Variants in DTWD2 observed in about 807,000 individuals in gnomAD.
DTWD2 encodes DTW motif tRNA-uridine aminocarboxypropyltransferase 2.
Under a neutral mutation model 31.8 loss-of-function variants are expected in DTWD2, and 39 were observed. That is an observed-to-expected ratio of 1.22 (90% CI 0.95 to 1.60). DTWD2 has a LOEUF of 1.60. DTWD2 is among the 40% of genes most tolerant of loss of function. The probability of loss-of-function intolerance (pLI) is 0.00; values close to 1 mark genes in which losing one functional copy is unlikely to be tolerated. For synonymous variants in DTWD2, 180 were observed against 142.8 expected (o/e 1.26, Z -1.86); for missense variants, 515 against 381.5 (o/e 1.35, Z -2.92).
chr5:118,890,790 C>T (rs918361696), intron 4 of DTWD2, among the ~76,000 whole-genome samples: 2 of 151,958 alleles, frequency 1.3e-5, no homozygotes, highest in Admixed American at 1.3e-4. Context: ...AGGATGGTCT[C>T]GATCTCTTGA....
chr5:118,979,765 G>A (rs1052470232), intron 1 of DTWD2, among the ~76,000 whole-genome samples: 5 of 152,314 alleles, frequency 3.3e-5, no homozygotes, highest in Admixed American at 2.0e-4. Flanking sequence ...ACCAAACACC[G>A]CATGTTCTCA....
At chr5:118,874,082 G>A (rs1425159526) in intron 4 of DTWD2, among the ~76,000 whole-genome samples, 1 of 152,184 alleles carries the variant, frequency 6.6e-6, no homozygotes, top group African/African-American at 2.4e-5. Flanking sequence ...TAAGAGGTGG[G>A]AGTTGAGCAT....
At position 118,921,532 on chromosome 5, in the gene DTWD2, AAAG is replaced by A. The variant is rs1753704234; in HGVS notation, c.597+7002_597+7004del. 3.3e-5 allele frequency among the ~76,000 whole-genome samples: 5 copies of A among 151,932 alleles called. No individual in the cohort carries two copies. The South Asian group carries it at 1.0e-3, about 32-fold the overall frequency. ...AAGACCCCATCTCTTAAAAAAAAAAAAAGAAAGAAAGAAAAAGAAAAAAAAAGT... is the reference window on the plus strand; with the variant it reads ...AAGACCCCATCTCTTAAAAAAAAAAAAAAGAAAGAAAAAGAAAAAAAAAGT... On this transcript the variant is annotated intron_variant, in intron 4 of 5. Transcript: ENST00000510708.
At chr5:118,920,059 T>A (rs1753667195) in intron 4 of DTWD2, among the ~76,000 whole-genome samples, 1 of 151,114 alleles carries the variant, frequency 6.6e-6, no homozygotes, top group Non-Finnish European at 1.5e-5. Flanking sequence ...CCCAAAACCA[T>A]CCACCACCCC....
At chr5:118,870,522 T>C (rs1167747513) in intron 4 of DTWD2, among the ~76,000 whole-genome samples, 1 of 152,208 alleles carries the variant, frequency 6.6e-6, no homozygotes, top group Non-Finnish European at 1.5e-5. Flanking sequence ...CATATAAAAG[T>C]TTTGCAGTCT....
At chr5:118,909,056 C>T (rs572291554) in intron 4 of DTWD2, among the ~76,000 whole-genome samples, 1 of 152,288 alleles carries the variant, frequency 6.6e-6, no homozygotes, top group African/African-American at 2.4e-5. Context: ...ACCCGAGTTC[C>T]CTTCACAAGA....
chr5:118,874,122 C>T (rs1489739763), intron 4 of DTWD2, among the ~76,000 whole-genome samples: 1 of 152,198 alleles, frequency 6.6e-6, no homozygotes, highest in Admixed American at 6.5e-5. Context: ...AGAAACAAAA[C>T]CAGTCGACTG....
chr5:118,850,477 C>CAA (rs34808087), intron 4 of DTWD2, among the ~76,000 whole-genome samples: 1,628 of 30,568 alleles, frequency 0.053, 237 homozygotes, highest in East Asian at 0.2. Flanking sequence ...GACCCCACCA[C>CAA]AAAAAAAAAA....
At chr5:118,940,912 T>G (rs1158184154) in intron 2 of DTWD2, among the ~76,000 whole-genome samples, 2 of 152,220 alleles carry the variant, frequency 1.3e-5, no homozygotes, top group Non-Finnish European at 2.9e-5. Flanking sequence ...AAATACACAT[T>G]GTTCACAAAG....
chr5:118,879,380 G>A (rs1752690000), intron 4 of DTWD2, among the ~76,000 whole-genome samples: 1 of 152,038 alleles, frequency 6.6e-6, no homozygotes, highest in African/African-American at 2.4e-5. Flanking sequence ...GCTGATATTG[G>A]GCCTTTGACT....
At chr5:118,948,319 CAA>C (rs974658573) in intron 1 of DTWD2, among the ~76,000 whole-genome samples, 2 of 142,476 alleles carry the variant, frequency 1.4e-5, no homozygotes, top group African/African-American at 5.1e-5. Flanking sequence ...ACTAAAAATA[CAA>C]AAAAAAAAAA....
chr5:118,859,217 A>C (rs1752204353), intron 4 of DTWD2, among the ~76,000 whole-genome samples: 1 of 152,130 alleles, frequency 6.6e-6, no homozygotes, highest in Non-Finnish European at 1.5e-5. Flanking sequence ...AAAAAAAAAA[A>C]AAACCTCTTC....
intron 4 of DTWD2, among the ~76,000 whole-genome samples, chr5:118,918,076 G>A (rs1159140909): frequency 6.6e-6 from 1 of 152,130 alleles, no homozygotes; most frequent in Non-Finnish European, 1.5e-5. Flanking sequence ...AACACATGGG[G>A]ATTAGAATTC....
intron 1 of DTWD2, among the ~76,000 whole-genome samples, chr5:118,956,363 G>A (rs758140975): frequency 1.2e-4 from 18 of 152,158 alleles, no homozygotes; most frequent in Non-Finnish European, 2.4e-4. Context: ...AGGAAATTCT[G>A]TGAAATAAGC....
At chr5:118,841,223 C>T (rs1751706748) in intron 5 of DTWD2, 136 bp from the exon 6 acceptor site, 1 of 855,650 alleles carries the variant, frequency 1.2e-6, no homozygotes, top group Admixed American at 3.1e-5. Context: ...ACACTAGGCA[C>T]TCTGATAAAT....
intron 1 of DTWD2, among the ~76,000 whole-genome samples, chr5:118,981,841 C>A (rs951820327): frequency 6.6e-6 from 1 of 151,956 alleles, no homozygotes; most frequent in South Asian, 2.1e-4. Context: ...TACCCATGGC[C>A]AAAGGTAAAG....
intron 1 of DTWD2, among the ~76,000 whole-genome samples, chr5:118,980,214 C>T (rs773107220): frequency 6.6e-6 from 1 of 152,216 alleles, no homozygotes; most frequent in Non-Finnish European, 1.5e-5. Context: ...AGCAGGTTTA[C>T]TTGCAACCCA....
At chr5:118,923,717 G>A (rs1580411197) in intron 4 of DTWD2, among the ~76,000 whole-genome samples, 3 of 152,038 alleles carry the variant, frequency 2.0e-5, no homozygotes, top group South Asian at 2.1e-4. Flanking sequence ...AACGTGCCTC[G>A]GTCTCTTTTC....
intron 1 of DTWD2, among the ~76,000 whole-genome samples, chr5:118,949,567 A>T (rs1316900105): frequency 6.6e-6 from 1 of 152,208 alleles, no homozygotes; most frequent in Non-Finnish European, 1.5e-5. Context: ...TATATGCTTT[A>T]GAAGCCCATG....
Sources: gnomAD v4.1 joint callset for allele counts (sites outside exome capture counted in the v4.1 genomes callset) on GRCh38, gnomAD v4.1.1 for gene constraint, MANE v1.5 for transcripts, NCBI Gene and HGNC (gene_info 2026-07-23, HGNC 2026-07-21) for gene names.